Variants in R3HDM2 observed in about 807,000 individuals in gnomAD.
The protein encoded by R3HDM2 is R3H domain containing 2, also known as R3H domain-containing protein 2.
A neutral mutation model predicts 124.5 loss-of-function variants in R3HDM2; 38 were observed. The observed-to-expected ratio is 0.31, with a 90% CI of 0.24 to 0.40. The LOEUF is 0.40. R3HDM2 is among the 10% of genes least tolerant of loss of function. The pLI, the probability that R3HDM2 is intolerant of heterozygous loss-of-function variation, is 1.00. For missense variants in R3HDM2, 869 were observed against 1,236.9 expected (o/e 0.70, Z 4.46); for synonymous variants, 391 against 448.0 (o/e 0.87, Z 1.61).
Position 57,269,404 on chromosome 12 carries a change from G to C in R3HDM2, c.1633C>G (p.Gln545Glu), listed in dbSNP as rs142183517. Residue 545 changes from glutamine to glutamate, a missense_variant, in exon 16 of 24, where the codon CAG (glutamine) becomes GAG (glutamate). Physicochemically the swap from Gln to Glu is conservative, Grantham distance 29. This residue lies in a region of R3HDM2 where 602 missense variants were observed against 789.2 expected (regional missense o/e 0.76). Transcript: ENST00000402412. ...GGGTGAGAGAGAGGTCGATATTGCT[G>C]GTTGGAGTTAGGATATTGTCCAGGG... ...YPPGQYPNSN[Q>E]QYRPLSHPVA... The C allele has an allele frequency of 1.7e-5, 28 of 1,614,058 alleles. No individual in the cohort carries two copies. The highest frequency in any genetic ancestry group is 2.4e-5 in the Non-Finnish European group (28 of 1,180,028).
intron 14 of R3HDM2, among the ~76,000 whole-genome samples, chr12:57,274,348 C>T (rs2044226319): frequency 6.6e-6 from 1 of 152,174 alleles, no homozygotes; most frequent in Non-Finnish European, 1.5e-5. Context: ...GTGGCACATG[C>T]CTGTAGTCCC....
chr12:57,292,097 C>T (rs1382873027), intron 11 of R3HDM2, among the ~76,000 whole-genome samples: 1 of 152,144 alleles, frequency 6.6e-6, no homozygotes. Context: ...AGGATGGATG[C>T]CAGACCTGTG....
chr12:57,380,907 C>T (rs1277145456), intron 2 of R3HDM2, among the ~76,000 whole-genome samples: 2 of 152,136 alleles, frequency 1.3e-5, no homozygotes, highest in South Asian at 4.1e-4. Flanking sequence ...CACTGCAATG[C>T]TCAAGGAATT....
intron 11 of R3HDM2, among the ~76,000 whole-genome samples, chr12:57,291,627 C>T (rs905151333): frequency 6.7e-6 from 1 of 149,798 alleles, no homozygotes; most frequent in Non-Finnish European, 1.5e-5. Flanking sequence ...GCACTGCAGC[C>T]TGGGTGACAA....
chr12:57,395,929 T>C (rs963672485), intron 1 of R3HDM2, 111 bp from the exon 2 acceptor site: 2 of 338,292 alleles, frequency 5.9e-6, no homozygotes, highest in African/African-American at 4.5e-5. Context: ...TCTTTCCCAA[T>C]TTCTTCAGCT....
intron 2 of R3HDM2, among the ~76,000 whole-genome samples, chr12:57,387,295 C>A (rs894684257): frequency 1.3e-5 from 2 of 152,152 alleles, no homozygotes; most frequent in Non-Finnish European, 2.9e-5. Flanking sequence ...GTAACACTCA[C>A]CGCAAAGGTC....
intron 2 of R3HDM2, among the ~76,000 whole-genome samples, chr12:57,348,483 C>A (rs1349196256): frequency 6.6e-6 from 1 of 151,924 alleles, no homozygotes; most frequent in East Asian, 1.9e-4. Context: ...CACCTGAGGT[C>A]AGGAGCTCAA....
chr12:57,382,541 CAAAAAAAAA>C (rs1222419669), intron 2 of R3HDM2, among the ~76,000 whole-genome samples: 1 of 40,148 alleles, frequency 2.5e-5, no homozygotes, highest in South Asian at 8.8e-4. Context: ...GCCCAGCCTA[CAAAAAAAAA>C]AAAAAAAAAA....
chr12:57,268,284 G>C lies in R3HDM2; in HGVS notation c.2030+19C>G, dbSNP rs771159605. The C allele has an allele frequency of 2.5e-6, 4 of 1,609,944 alleles. No individual in the cohort carries two copies. Among genetic ancestry groups the C allele is most frequent in the Non-Finnish European group, 3.4e-6 (4 of 1,177,466 alleles). Reference sequence around the variant, plus strand: ...GGTCTATGGGAGATGTCCTGTCCTGGCTCTCTGGGAGTCCTCACCTCGTAC... The same window carrying C: ...GGTCTATGGGAGATGTCCTGTCCTGCCTCTCTGGGAGTCCTCACCTCGTAC... On this transcript the variant is annotated intron_variant, in intron 18 of 23. Coordinates refer to ENST00000402412, the MANE Select transcript of R3HDM2 (RefSeq NM_001394031.1).
chr12:57,301,522 C>T (rs1395051273), intron 4 of R3HDM2, among the ~76,000 whole-genome samples: 2 of 152,174 alleles, frequency 1.3e-5, no homozygotes, highest in Non-Finnish European at 2.9e-5. Context: ...CCACTCAATC[C>T]CTATAGCCTA....
At chr12:57,418,973 C>G (rs2069919990) in intron 1 of R3HDM2, among the ~76,000 whole-genome samples, 1 of 152,130 alleles carries the variant, frequency 6.6e-6, no homozygotes, top group African/African-American at 2.4e-5. Flanking sequence ...TTGTAAAATA[C>G]AAAATAATCA....
upstream of R3HDM2, chr12:57,431,112 C>G (rs778913165): frequency 6.6e-6 from 1 of 152,284 alleles, no homozygotes; most frequent in Non-Finnish European, 1.5e-5. Context: ...CCCGCGTGCC[C>G]CTCAGCAGCC....
intron 1 of R3HDM2, among the ~76,000 whole-genome samples, chr12:57,399,335 G>A (rs549157172): frequency 1.3e-5 from 2 of 152,244 alleles, no homozygotes; most frequent in South Asian, 2.1e-4. Context: ...CCGAGAGGTG[G>A]AGGTTGCAGT....
chr12:57,369,759 G>A (rs2063095814), intron 2 of R3HDM2, among the ~76,000 whole-genome samples: 1 of 152,096 alleles, frequency 6.6e-6, no homozygotes, highest in Non-Finnish European at 1.5e-5. Context: ...CGGGAAACAA[G>A]ATCCTTGCTG....
chr12:57,349,379 CAAAAAAAAAAAAAAAA>C (rs1161831845), intron 2 of R3HDM2, among the ~76,000 whole-genome samples: 5 of 57,776 alleles, frequency 8.7e-5, no homozygotes, highest in South Asian at 6.2e-4. Flanking sequence ...ACTCCGTCTC[CAAAAAAAAAAAAAAAA>C]AAAAAAAAAA....
chr12:57,329,028 G>A (rs550036208), intron 2 of R3HDM2, among the ~76,000 whole-genome samples: 11 of 152,108 alleles, frequency 7.2e-5, no homozygotes, highest in South Asian at 2.1e-4. Context: ...TCTCTACATG[G>A]TATCTCATAT....
At chr12:57,306,143 A>C (rs1345924701) in intron 3 of R3HDM2, among the ~76,000 whole-genome samples, 1 of 152,204 alleles carries the variant, frequency 6.6e-6, no homozygotes, top group South Asian at 2.1e-4. Context: ...TTCAGCTCCT[A>C]TTTATAACAG....
At chr12:57,312,588 C>T (rs536963107) in intron 2 of R3HDM2, among the ~76,000 whole-genome samples, 15 of 151,944 alleles carry the variant, frequency 9.9e-5, no homozygotes, top group Non-Finnish European at 8.8e-5. Context: ...ATATAGTTGA[C>T]GGCCAGGCAC....
chr12:57,413,918 TCACTGCAA>T (rs1183659194), intron 1 of R3HDM2, among the ~76,000 whole-genome samples: 2 of 139,038 alleles, frequency 1.4e-5, no homozygotes, highest in East Asian at 5.1e-4. Context: ...CGGTCTCAGC[TCACTGCAA>T]CCTCCGCCTC....
Sources: gnomAD v4.1 joint callset for allele counts (sites outside exome capture counted in the v4.1 genomes callset) on GRCh38, gnomAD v4.1.1 for gene constraint, gnomAD v4.1.1 regional missense constraint, MANE v1.5 for transcripts, NCBI Gene and HGNC (gene_info 2026-07-23, HGNC 2026-07-21) for gene names.